Variants in AKR1E2 observed in about 807,000 individuals in gnomAD.
AKR1E2 encodes the protein aldo-keto reductase family 1 member E2, also known as 1,5-anhydro-D-fructose reductase.
A neutral mutation model predicts 41.9 loss-of-function variants in AKR1E2; 43 were observed. The observed-to-expected ratio is 1.03, with a 90% CI of 0.80 to 1.32. The LOEUF (loss-of-function observed/expected upper bound fraction) is 1.32, where lower values mean the gene tolerates loss of function less well. Ranked by LOEUF, AKR1E2 falls within the 40% of genes most tolerant of loss-of-function variation. The pLI is 0.00. For missense variants in AKR1E2, 423 were observed against 396.5 expected (o/e 1.07, Z -0.57); for synonymous variants, 121 against 138.9 (o/e 0.87, Z 0.91).
chr10:4,865,725 C>T, the AKR1E2 span, among the ~76,000 whole-genome samples: 1 of 152,042 alleles, frequency 6.6e-6, no homozygotes. Context: ...TAGAGATAAT[C>T]GGTATTAAGT....
chr10:4,834,584 A>G lies in AKR1E2; in HGVS notation c.325-1091A>G, dbSNP rs535242993. Among the ~76,000 whole-genome samples, 5 of 152,348 alleles carry G rather than the reference A, an allele frequency of 3.3e-5. No homozygotes were observed. In the East Asian group the frequency reaches 9.6e-4, roughly 29 times the overall value. ...ACACATATTAACTCATTTAATTCTCATGACAGTTCTACAAAGTTGACACTA... is the reference window on the plus strand; with the variant it reads ...ACACATATTAACTCATTTAATTCTCGTGACAGTTCTACAAAGTTGACACTA... On this transcript the variant is annotated intron_variant, in intron 3 of 9. Coordinates refer to ENST00000298375, the MANE Select transcript of AKR1E2 (RefSeq NM_001040177.3).
At chr10:4,842,051 G>A (rs990787900) in intron 7 of AKR1E2, among the ~76,000 whole-genome samples, 194 bp downstream of exon 7, 1 of 152,174 alleles carries the variant, frequency 6.6e-6, no homozygotes, top group African/African-American at 2.4e-5. Context: ...ATGTACTCTT[G>A]CCTCCGAGCC....
downstream of AKR1E2, among the ~76,000 whole-genome samples, chr10:4,852,487 C>T (rs1834546117): frequency 6.6e-6 from 1 of 152,100 alleles, no homozygotes; most frequent in African/African-American, 2.4e-5. Context: ...AGAAATAGCT[C>T]CATCAATGGA....
At chr10:4,848,428 G>A (rs369702586), downstream of AKR1E2, among the ~76,000 whole-genome samples, 7 of 152,308 alleles carry the variant, frequency 4.6e-5, no homozygotes, top group South Asian at 2.1e-4. Context: ...TGGTCCAGAC[G>A]CCATGATCCC....
the AKR1E2 span, among the ~76,000 whole-genome samples, chr10:4,862,632 G>C: frequency 4.6e-5 from 7 of 152,054 alleles, no homozygotes; most frequent in Non-Finnish European, 1.0e-4. Context: ...AGTTCTCTTT[G>C]AAGAGGTCCT....
chr10:4,854,380 C>G, the AKR1E2 span, among the ~76,000 whole-genome samples: 1 of 152,212 alleles, frequency 6.6e-6, no homozygotes, highest in Non-Finnish European at 1.5e-5. Flanking sequence ...GCATGAGCCA[C>G]CGCACCTGGC....
intron 1 of AKR1E2, 95 bp from the exon 2 acceptor site, chr10:4,830,580 T>C (rs1452628158): frequency 1.4e-6 from 2 of 1,407,810 alleles, no homozygotes; most frequent in African/African-American, 2.9e-5. Flanking sequence ...CTTAATTTTT[T>C]ATGTATTATG....
chr10:4,868,155 C>G, the AKR1E2 span, among the ~76,000 whole-genome samples: 1 of 152,178 alleles, frequency 6.6e-6, no homozygotes, highest in Non-Finnish European at 1.5e-5. Context: ...AAGACTACAG[C>G]AGTCTGTGGT....
the AKR1E2 span, among the ~76,000 whole-genome samples, chr10:4,872,235 A>G: frequency 6.6e-6 from 1 of 152,198 alleles, no homozygotes; most frequent in Non-Finnish European, 1.5e-5. Flanking sequence ...TTGAACCTCC[A>G]GGAGGGCAGA....
At chr10:4,834,183 G>T (rs75248707) in intron 3 of AKR1E2, among the ~76,000 whole-genome samples, 2,494 of 152,348 alleles carry the variant, frequency 0.016, 52 homozygotes, top group African/African-American at 0.056. Flanking sequence ...CCCTTGCAGG[G>T]ATGTTCTTCC....
chr10:4,839,879 C>A, intron 6 of AKR1E2, 53 bp downstream of exon 6: 2 of 1,493,746 alleles, frequency 1.3e-6, no homozygotes, highest in Non-Finnish European at 1.9e-6. Flanking sequence ...AAGTAGATGC[C>A]ACCTTCTCAT....
chr10:4,859,730 A>G, the AKR1E2 span, among the ~76,000 whole-genome samples: 4 of 152,240 alleles, frequency 2.6e-5, no homozygotes, highest in Non-Finnish European at 4.4e-5. Context: ...CTTAAGGTAA[A>G]AAGAGGAAGA....
At chr10:4,827,652 A>G (rs769401767) in intron 1 of AKR1E2, among the ~76,000 whole-genome samples, 3 of 152,218 alleles carry the variant, frequency 2.0e-5, no homozygotes, top group African/African-American at 7.2e-5. Context: ...ATAAGAAGTC[A>G]TATAGGAAGT....
At chr10:4,855,317 G>A in the AKR1E2 span, among the ~76,000 whole-genome samples, 1 of 152,330 alleles carries the variant, frequency 6.6e-6, no homozygotes, top group East Asian at 1.9e-4. Context: ...TGCTTTGTGT[G>A]TCTTTCTGTA....
downstream of AKR1E2, among the ~76,000 whole-genome samples, chr10:4,850,540 A>T (rs1233216463): frequency 6.6e-6 from 1 of 152,210 alleles, no homozygotes; most frequent in Non-Finnish European, 1.5e-5. Context: ...CAAAGTGCAC[A>T]GGCTTACAGT....
chr10:4,867,417 C>A, the AKR1E2 span, among the ~76,000 whole-genome samples: 1 of 152,228 alleles, frequency 6.6e-6, no homozygotes, highest in African/African-American at 2.4e-5. Flanking sequence ...CTCCCTGTCA[C>A]CATTTTCTAA....
At chr10:4,861,766 T>C in the AKR1E2 span, among the ~76,000 whole-genome samples, 39,250 of 152,120 alleles carry the variant, frequency 0.26, 5,279 homozygotes, top group Middle Eastern at 0.37. Flanking sequence ...CACTCACTTT[T>C]TGATGGGGTT....
chr10:4,836,126 CTG>C (rs1833396044), intron 4 of AKR1E2, among the ~76,000 whole-genome samples: 1 of 152,150 alleles, frequency 6.6e-6, no homozygotes, highest in South Asian at 2.1e-4. Flanking sequence ...GAGAGTTCTT[CTG>C]CATTAAACTA....
chr10:4,863,241 A>T, the AKR1E2 span, among the ~76,000 whole-genome samples: 1 of 152,222 alleles, frequency 6.6e-6, no homozygotes, highest in African/African-American at 2.4e-5. Flanking sequence ...GTAAAAGAAC[A>T]GAAATTATAA....
Sources: allele counts gnomAD v4.1 joint callset (sites outside exome capture counted in the v4.1 genomes callset), GRCh38; gene constraint gnomAD v4.1.1; transcripts MANE v1.5; gene names NCBI Gene and HGNC (gene_info 2026-07-23, HGNC 2026-07-21).